Variants in DOCK2 observed in about 807,000 individuals in gnomAD.
DOCK2 encodes the protein dedicator of cytokinesis protein 2.
A neutral mutation model predicts 248.9 loss-of-function variants in DOCK2; 87 were observed. The observed-to-expected ratio is 0.35, with a 90% CI of 0.29 to 0.42. DOCK2 has a LOEUF of 0.42. Ranked by LOEUF, DOCK2 falls within the 10% of genes least tolerant of loss-of-function variation. The pLI is 1.00. For missense variants in DOCK2, 1,747 were observed against 2,300.2 expected (o/e 0.76, Z 4.92); for synonymous variants, 805 against 821.6 (o/e 0.98, Z 0.35).
chr5:170,015,842 C>T (rs1244026081), intron 32 of DOCK2, among the ~76,000 whole-genome samples: 1 of 150,300 alleles, frequency 6.7e-6, no homozygotes, highest in Non-Finnish European at 1.5e-5. Flanking sequence ...TCCCTCCCTC[C>T]CTCCTTTTCT....
chr5:170,064,694 A>G lies in DOCK2; in HGVS notation c.4468-2816A>G, dbSNP rs1028137975. On this transcript the variant is annotated intron_variant, in intron 44 of 51. Coordinates refer to ENST00000520908, the MANE Select transcript of DOCK2 (RefSeq NM_004946.3). ...AGAGGGAGAAAGGAACAGAGAACAT[A>G]TCCAAAGAAATGACAGAAAACTTCC... is the stretch of plus-strand genomic sequence containing the variant. Among the ~76,000 whole-genome samples the G allele has an allele frequency of 5.8e-5, 5 of 86,616 alleles. No individual in the cohort carries two copies. In the East Asian group the frequency reaches 1.0e-3, roughly 18 times the overall value. 56.8% of individuals were successfully genotyped at this position (86,616 alleles called of 152,430 possible).
intron 39 of DOCK2, among the ~76,000 whole-genome samples, chr5:170,047,160 G>C (rs1418234584): frequency 6.6e-6 from 1 of 152,150 alleles, no homozygotes; most frequent in African/African-American, 2.4e-5. Flanking sequence ...GGTGGGAGCA[G>C]AGATGCAATG....
intron 29 of DOCK2, among the ~76,000 whole-genome samples, chr5:169,995,735 C>T (rs954464634): frequency 5.3e-5 from 8 of 152,020 alleles, no homozygotes; most frequent in South Asian, 2.1e-4. Context: ...TTAGGTGATA[C>T]GATGTGGTAG....
At chr5:169,649,377 T>G (rs1476152952) in intron 1 of DOCK2, among the ~76,000 whole-genome samples, 1 of 152,192 alleles carries the variant, frequency 6.6e-6, no homozygotes, top group Non-Finnish European at 1.5e-5. Flanking sequence ...GAAGCAATCT[T>G]GATAAATGCA....
intron 34 of DOCK2, among the ~76,000 whole-genome samples, chr5:170,030,379 A>G (rs28575091): frequency 2.6e-5 from 4 of 152,084 alleles, no homozygotes; most frequent in Non-Finnish European, 5.9e-5. Flanking sequence ...TGCCTGCTCC[A>G]TCCTTTCACC....
intron 47 of DOCK2, among the ~76,000 whole-genome samples, chr5:170,076,933 C>T (rs975955917): frequency 3.3e-5 from 5 of 152,206 alleles, no homozygotes; most frequent in African/African-American, 2.4e-5. Context: ...CCACTTCAAA[C>T]ACCAACCATA....
At chr5:169,718,874 C>A in intron 22 of DOCK2, 83 bp downstream of exon 22, 1 of 1,474,280 alleles carries the variant, frequency 6.8e-7, no homozygotes, top group Non-Finnish European at 9.1e-7. Flanking sequence ...AGGAGAAACT[C>A]GTTTAAAAAA....
chr5:169,743,308 G>A (rs1049586768), intron 22 of DOCK2, among the ~76,000 whole-genome samples: 1 of 152,094 alleles, frequency 6.6e-6, no homozygotes, highest in Non-Finnish European at 1.5e-5. Flanking sequence ...TTGGTGGCTT[G>A]TGCCTGTCAT....
At chr5:169,923,366 G>C (rs774476326) in intron 27 of DOCK2, among the ~76,000 whole-genome samples, 7 of 152,152 alleles carry the variant, frequency 4.6e-5, no homozygotes, top group Admixed American at 1.3e-4. Flanking sequence ...ATAATGAAGG[G>C]GCATACGCAG....
intron 1 of DOCK2, among the ~76,000 whole-genome samples, chr5:169,646,074 A>T (rs1335565520): frequency 6.6e-6 from 1 of 152,042 alleles, no homozygotes; most frequent in Non-Finnish European, 1.5e-5. Flanking sequence ...ATGGTTTGGG[A>T]TTTTACATTT....
At chr5:169,660,562 A>G (rs1199080879) in intron 2 of DOCK2, among the ~76,000 whole-genome samples, 1 of 152,162 alleles carries the variant, frequency 6.6e-6, no homozygotes, top group African/African-American at 2.4e-5. Flanking sequence ...TTTGGCTGCA[A>G]AAGCTTGGCA....
intron 27 of DOCK2, 27 bp downstream of exon 27, chr5:169,840,879 A>G: frequency 1.2e-6 from 2 of 1,609,818 alleles, no homozygotes; most frequent in Non-Finnish European, 1.7e-6. Flanking sequence ...TTCTTGTCAA[A>G]TGTTGCAAGC....
At chr5:169,735,606 T>C (rs1322267155) in intron 22 of DOCK2, among the ~76,000 whole-genome samples, 1 of 152,222 alleles carries the variant, frequency 6.6e-6, no homozygotes, top group Non-Finnish European at 1.5e-5. Context: ...TATTTATTTG[T>C]ATAAATTCCT....
Position 170,019,033 on chromosome 5 carries a change from G to A in DOCK2, c.3306G>A (p.Glu1102=), listed in dbSNP as rs758605329. ...ILEMTLIPEA[E]LRKATIPIFF... ...AGATGACACTTATCCCTGAGGCTGAGCTCCGGAAAGCCACCATACCAATCT... is the reference window on the plus strand; with the variant it reads ...AGATGACACTTATCCCTGAGGCTGAACTCCGGAAAGCCACCATACCAATCT... Residue 1102 remains glutamate, a synonymous_variant, in exon 33 of 52, where the codon GAG becomes GAA. Transcript: ENST00000520908. 6 of 1,614,142 alleles carry A rather than the reference G, an allele frequency of 3.7e-6. No individual in the cohort carries two copies. The highest frequency in any genetic ancestry group is 3.3e-5 in the South Asian group (3 of 91,088).
At chr5:169,921,152 G>T (rs1374254133) in intron 27 of DOCK2, among the ~76,000 whole-genome samples, 3 of 152,160 alleles carry the variant, frequency 2.0e-5, no homozygotes, top group African/African-American at 7.2e-5. Context: ...TGCAATGTTA[G>T]CCTGGAAAAG....
rs559610251 is a variant in DOCK2, at chr5:169,713,087, G to A, written c.1659+864G>A. Among the ~76,000 whole-genome samples the A allele has an allele frequency of 1.1e-4, 17 of 152,302 alleles. No individual in the cohort carries two copies. In the South Asian group the frequency reaches 3.5e-3, roughly 32 times the overall value. ...CAAGGCTTCATCTCATAGTACTCTT[G>A]TACTCTTCTCTGAGTCTCTCTGACT... is the stretch of plus-strand genomic sequence containing the variant. On this transcript the variant is annotated intron_variant, in intron 17 of 51. Coordinates refer to ENST00000520908, the MANE Select transcript of DOCK2 (RefSeq NM_004946.3).
chr5:169,759,207 A>C (rs983116826), intron 23 of DOCK2, among the ~76,000 whole-genome samples: 1 of 152,232 alleles, frequency 6.6e-6, no homozygotes, highest in Non-Finnish European at 1.5e-5. Context: ...AATATGAATA[A>C]CTTGTCACCA....
At chr5:169,974,176 C>T (rs1441597784) in intron 27 of DOCK2, among the ~76,000 whole-genome samples, 1 of 152,132 alleles carries the variant, frequency 6.6e-6, no homozygotes, top group African/African-American at 2.4e-5. Flanking sequence ...CCTCTCTGTT[C>T]GTTGGTTTTC....
At chr5:169,778,585 A>T (rs1765516513) in intron 25 of DOCK2, among the ~76,000 whole-genome samples, 1 of 152,232 alleles carries the variant, frequency 6.6e-6, no homozygotes, top group Non-Finnish European at 1.5e-5. Flanking sequence ...CTGTAAAATG[A>T]GACTGATAAA....
Sources: allele counts gnomAD v4.1 joint callset (sites outside exome capture counted in the v4.1 genomes callset), GRCh38; gene constraint gnomAD v4.1.1; transcripts MANE v1.5; gene names NCBI Gene and HGNC (gene_info 2026-07-23, HGNC 2026-07-21).